The following ADARB2 variants were observed in gnomAD, a reference collection of about 807,000 sequenced individuals.
ADARB2 encodes the protein adenosine deaminase RNA specific B2 (inactive), also known as inactive double-stranded RNA-specific editase B2.
In ADARB2, 25 loss-of-function variants were observed where a neutral mutation model predicts 62.2. That is an observed-to-expected ratio of 0.40 (90% CI 0.29 to 0.56). ADARB2 has a LOEUF of 0.56. Ranked by LOEUF, ADARB2 falls within the 20% of genes least tolerant of loss-of-function variation. The pLI, the probability that ADARB2 is intolerant of heterozygous loss-of-function variation, is 0.43. For missense variants in ADARB2, 1,071 were observed against 1,077.4 expected (o/e 0.99, Z 0.08); for synonymous variants, 572 against 500.8 (o/e 1.14, Z -1.90).
In ADARB2 at chr10:1,219,867, ATGG is replaced by A. The variant is rs1238073125; in HGVS notation, c.1514-2751_1514-2749del. Among the ~76,000 whole-genome samples the A allele has an allele frequency of 2.2e-4, 28 of 126,502 alleles. No individual in the cohort carries two copies. In the East Asian group the frequency reaches 3.9e-3, roughly 18 times the overall value. The allele number at this position is 126,502 out of a possible 152,430, so 83.0% of individuals were successfully genotyped here. ...GATGGTGATGGTGATGATGATGGTA[ATGG>A]TGGTGGTGATGATGGTGATGGTGAT... On this transcript the variant is annotated intron_variant, in intron 6 of 9. Transcript: ENST00000381312.
intron 1 of ADARB2, among the ~76,000 whole-genome samples, chr10:1,473,938 G>GACAGGGGGCCGGGTAGTTTCTAGT (rs1831360763): frequency 6.6e-6 from 1 of 152,284 alleles, no homozygotes; most frequent in African/African-American, 2.4e-5. Context: ...AGGAGCCCTT[G>GACAGGGGGCCGGGTAGTTTCTAGT]GCAGGGGACC....
intron 6 of ADARB2, among the ~76,000 whole-genome samples, chr10:1,227,142 C>T (rs1440070518): frequency 6.6e-6 from 1 of 152,240 alleles, no homozygotes; most frequent in African/African-American, 2.4e-5. Context: ...TGCCGCCTTG[C>T]AGTTTGATCT....
chr10:1,553,104 C>T (rs1819852578), intron 1 of ADARB2, among the ~76,000 whole-genome samples: 1 of 141,716 alleles, frequency 7.1e-6, no homozygotes, highest in South Asian at 2.2e-4. Flanking sequence ...GTCCTCGCAG[C>T]CCAGGCCAGC....
chr10:1,206,880 G>A (rs772369215), intron 7 of ADARB2, among the ~76,000 whole-genome samples: 5 of 152,228 alleles, frequency 3.3e-5, no homozygotes, highest in African/African-American at 4.8e-5. Flanking sequence ...CATCTGGGCC[G>A]GGTCCCCCCA....
chr10:1,508,386 G>T (rs1272101752), intron 1 of ADARB2, among the ~76,000 whole-genome samples: 1 of 152,212 alleles, frequency 6.6e-6, no homozygotes, highest in Non-Finnish European at 1.5e-5. Context: ...TCTCAAACAT[G>T]GGGAGAACCC....
At chr10:1,205,883 G>A (rs1305469369) in intron 7 of ADARB2, among the ~76,000 whole-genome samples, 5 of 151,934 alleles carry the variant, frequency 3.3e-5, no homozygotes, top group African/African-American at 9.7e-5. Context: ...GCGGCCAGGT[G>A]GGGTCATGGG....
intron 3 of ADARB2, among the ~76,000 whole-genome samples, chr10:1,330,177 A>G (rs890059670): frequency 1.3e-5 from 2 of 152,106 alleles, no homozygotes; most frequent in Non-Finnish European, 2.9e-5. Flanking sequence ...CGATTCAGCC[A>G]TGGGCCGTCC....
chr10:1,266,511 T>TGGGGGGGGGGGG (rs782182369), intron 4 of ADARB2, among the ~76,000 whole-genome samples: 122 of 128,462 alleles, frequency 9.5e-4, no homozygotes, highest in African/African-American at 1.2e-3. Flanking sequence ...TGGTGGGGGG[T>TGGGGGGGGGGGG]GGGGGGGGGG....
chr10:1,550,533 G>A (rs1425474828), intron 1 of ADARB2, among the ~76,000 whole-genome samples: 1 of 152,206 alleles, frequency 6.6e-6, no homozygotes, highest in African/African-American at 2.4e-5. Flanking sequence ...AAAGCCGATG[G>A]CCCACATGGC....
chr10:1,518,133 G>A (rs1184240070), intron 1 of ADARB2, among the ~76,000 whole-genome samples: 1 of 152,192 alleles, frequency 6.6e-6, no homozygotes, highest in Non-Finnish European at 1.5e-5. Context: ...AAAAGCAAGT[G>A]CTCCAGCAGC....
rs1406847157 is a variant in ADARB2 at position 1,193,676 on chromosome 10, A to G, written c.1864+6290T>C. ...TTAGACTCTGTCAGTGTTTGTCTGC[A>G]AACGCTGTCTCACCTTCGTTTTTGA... On this transcript the variant is annotated intron_variant, in intron 8 of 9. Transcript: ENST00000381312. Among the ~76,000 whole-genome samples the G allele has an allele frequency of 3.9e-5, 6 of 152,298 alleles. No homozygotes were observed. In the East Asian group the frequency reaches 1.2e-3, roughly 29 times the overall value.
intron 3 of ADARB2, among the ~76,000 whole-genome samples, chr10:1,316,407 GC>G (rs1287796248): frequency 6.6e-6 from 1 of 152,230 alleles, no homozygotes; most frequent in African/African-American, 2.4e-5. Flanking sequence ...TGGGGTTGCT[GC>G]AGGACTCCTG....
chr10:1,613,774 T>G, intron 1 of ADARB2, among the ~76,000 whole-genome samples: 1 of 152,222 alleles, frequency 6.6e-6, no homozygotes, highest in East Asian at 1.9e-4. Context: ...AAGCTAATAA[T>G]GGAGATAAGG....
intron 3 of ADARB2, among the ~76,000 whole-genome samples, chr10:1,287,567 G>C (rs1453669375): frequency 6.6e-6 from 1 of 152,172 alleles, no homozygotes; most frequent in Admixed American, 6.5e-5. Flanking sequence ...ATTTCCGTGA[G>C]AGTTCTGCAG....
At chr10:1,656,710 G>A (rs1201778443) in intron 1 of ADARB2, among the ~76,000 whole-genome samples, 1 of 152,188 alleles carries the variant, frequency 6.6e-6, no homozygotes, top group Non-Finnish European at 1.5e-5. Context: ...CTTTGACTCT[G>A]TGACTAGAAC....
intron 1 of ADARB2, among the ~76,000 whole-genome samples, chr10:1,630,100 C>T (rs941102836): frequency 6.6e-6 from 1 of 152,140 alleles, no homozygotes; most frequent in East Asian, 1.9e-4. Context: ...TGAGATAACC[C>T]AGCAATGGCA....
intron 4 of ADARB2, among the ~76,000 whole-genome samples, chr10:1,243,378 G>C (rs185256166): frequency 1.3e-5 from 2 of 152,246 alleles, no homozygotes; most frequent in African/African-American, 4.8e-5. Context: ...TGTCACGCCA[G>C]AAGCAGGCCT....
intron 1 of ADARB2, among the ~76,000 whole-genome samples, chr10:1,721,692 G>A (rs1404593735): frequency 6.6e-6 from 1 of 152,226 alleles, no homozygotes; most frequent in Non-Finnish European, 1.5e-5. Context: ...TGTGGCCTCA[G>A]TGTCACATAC....
intron 3 of ADARB2, among the ~76,000 whole-genome samples, chr10:1,306,252 C>T (rs371413508): frequency 6.6e-6 from 1 of 151,558 alleles, no homozygotes; most frequent in Non-Finnish European, 1.5e-5. Context: ...ACAAGCATTC[C>T]TATACACCAA....
Sources: gnomAD v4.1 joint callset for allele counts (sites outside exome capture counted in the v4.1 genomes callset) on GRCh38, gnomAD v4.1.1 for gene constraint, MANE v1.5 for transcripts, NCBI Gene and HGNC (gene_info 2026-07-23, HGNC 2026-07-21) for gene names.